Variants in SGCZ observed in about 807,000 individuals in gnomAD.
The protein encoded by SGCZ is sarcoglycan zeta.
A neutral mutation model predicts 41.3 loss-of-function variants in SGCZ; 40 were observed. That is an observed-to-expected ratio of 0.97 (90% CI 0.75 to 1.26). SGCZ has a LOEUF of 1.26. SGCZ is among the 50% of genes most tolerant of loss of function. The pLI is 0.00. For missense variants in SGCZ, 552 were observed against 369.8 expected (o/e 1.49, Z -4.04); for synonymous variants, 206 against 137.5 (o/e 1.50, Z -3.49).
intron 1 of SGCZ, among the ~76,000 whole-genome samples, chr8:14,690,862 C>A (rs1204648486): frequency 1.3e-5 from 2 of 152,080 alleles, no homozygotes; most frequent in Admixed American, 6.6e-5. Flanking sequence ...CAAATTTAGC[C>A]TTTCTTGATA....
chr8:15,002,342 G>C (rs921696644), intron 1 of SGCZ, among the ~76,000 whole-genome samples: 1 of 152,118 alleles, frequency 6.6e-6, no homozygotes, highest in Non-Finnish European at 1.5e-5. Context: ...ATAGAATACA[G>C]ATTGCACGGT....
chr8:14,697,129 A>C (rs1808990562), intron 1 of SGCZ, among the ~76,000 whole-genome samples: 1 of 152,050 alleles, frequency 6.6e-6, no homozygotes, highest in Non-Finnish European at 1.5e-5. Context: ...GGTATAACAA[A>C]ACATTATATT....
intron 4 of SGCZ, among the ~76,000 whole-genome samples, chr8:14,234,295 C>T (rs1806678951): frequency 6.6e-6 from 1 of 151,824 alleles, no homozygotes; most frequent in African/African-American, 2.4e-5. Flanking sequence ...ATAGGATGGC[C>T]TAATCACTGG....
At chr8:14,627,447 C>T (rs540751915) in intron 1 of SGCZ, among the ~76,000 whole-genome samples, 7 of 152,154 alleles carry the variant, frequency 4.6e-5, no homozygotes, top group South Asian at 2.1e-4. Flanking sequence ...CTTCTTCCAA[C>T]GTTTTTATTT....
intron 2 of SGCZ, among the ~76,000 whole-genome samples, chr8:14,382,146 G>T (rs978346541): frequency 7.4e-6 from 1 of 134,902 alleles, no homozygotes; most frequent in Non-Finnish European, 1.6e-5. Context: ...TACTGTTTGT[G>T]GAACAAATTT....
intron 1 of SGCZ, among the ~76,000 whole-genome samples, chr8:15,078,054 T>C (rs1279360463): frequency 1.3e-5 from 2 of 151,226 alleles, no homozygotes; most frequent in South Asian, 2.1e-4. Context: ...CAGGAATTCA[T>C]GCCTTACGTG....
At chr8:14,150,459 T>C (rs963554356) in intron 5 of SGCZ, among the ~76,000 whole-genome samples, 18 of 152,050 alleles carry the variant, frequency 1.2e-4, no homozygotes, top group Non-Finnish European at 2.4e-4. Context: ...GCAAATCAAA[T>C]CTACAAGGAG....
At chr8:14,700,963 T>G (rs985142053) in intron 1 of SGCZ, among the ~76,000 whole-genome samples, 1 of 151,770 alleles carries the variant, frequency 6.6e-6, no homozygotes, top group Non-Finnish European at 1.5e-5. Context: ...ATAAAGAGGC[T>G]CACATAATTA....
chr8:14,793,308 T>C (rs1002298351), intron 1 of SGCZ, among the ~76,000 whole-genome samples: 3 of 152,214 alleles, frequency 2.0e-5, no homozygotes, highest in Non-Finnish European at 4.4e-5. Flanking sequence ...CATTCCTGCC[T>C]TTTATAATCC....
chr8:15,138,360 A>T (rs1808193344), intron 1 of SGCZ, among the ~76,000 whole-genome samples: 1 of 152,044 alleles, frequency 6.6e-6, no homozygotes. Context: ...ATGAGTTGAG[A>T]CTTTAGGGGA....
chr8:15,188,735 A>T (rs1800430150), intron 1 of SGCZ, among the ~76,000 whole-genome samples: 2 of 152,138 alleles, frequency 1.3e-5, no homozygotes, highest in Non-Finnish European at 2.9e-5. Flanking sequence ...ATAAATACAC[A>T]TGCTGCAATT....
At chr8:15,233,067 C>G (rs1027474121) in intron 1 of SGCZ, among the ~76,000 whole-genome samples, 1 of 151,244 alleles carries the variant, frequency 6.6e-6, no homozygotes, top group Non-Finnish European at 1.5e-5. Flanking sequence ...GGAACTAGAC[C>G]TAGAGGGAAA....
intron 1 of SGCZ, among the ~76,000 whole-genome samples, chr8:15,070,836 GA>G (rs1805325399): frequency 1.3e-5 from 2 of 152,176 alleles, no homozygotes; most frequent in African/African-American, 4.8e-5. Flanking sequence ...TAGCATAGTA[GA>G]AAAAGCATAG....
At chr8:14,123,347 T>C (rs1802757717) in intron 5 of SGCZ, among the ~76,000 whole-genome samples, 1 of 152,198 alleles carries the variant, frequency 6.6e-6, no homozygotes, top group Non-Finnish European at 1.5e-5. Context: ...CAATGAAACA[T>C]AAATTATTTG....
At chr8:14,855,805 G>C (rs1012421425) in intron 1 of SGCZ, among the ~76,000 whole-genome samples, 1 of 152,118 alleles carries the variant, frequency 6.6e-6, no homozygotes, top group Non-Finnish European at 1.5e-5. Context: ...AGGCAGCCTA[G>C]TGATGGTTTT....
intron 1 of SGCZ, among the ~76,000 whole-genome samples, chr8:14,953,585 A>T (rs1031714060): frequency 1.3e-5 from 2 of 152,176 alleles, no homozygotes; most frequent in African/African-American, 4.8e-5. Context: ...GTGCAATAAC[A>T]GAGGTTAAGG....
chr8:14,544,781 G>C (rs541166010), intron 2 of SGCZ, among the ~76,000 whole-genome samples: 1 of 152,230 alleles, frequency 6.6e-6, no homozygotes, highest in East Asian at 1.9e-4. Context: ...ACTGAACATA[G>C]ACCCTTATCT....
chr8:14,211,884 A>G (rs184517622), intron 4 of SGCZ, among the ~76,000 whole-genome samples: 27 of 152,222 alleles, frequency 1.8e-4, no homozygotes, highest in Non-Finnish European at 3.7e-4. Flanking sequence ...TCCAGAAAGT[A>G]CCACAGAAGT....
chr8:15,028,431 G>A (rs536472660), intron 1 of SGCZ, among the ~76,000 whole-genome samples: 3 of 147,848 alleles, frequency 2.0e-5, no homozygotes, highest in East Asian at 2.0e-4. Context: ...GAACACTATC[G>A]TCTTTCTAAG....
Sources: gnomAD v4.1 joint callset for allele counts (sites outside exome capture counted in the v4.1 genomes callset) on GRCh38, gnomAD v4.1.1 for gene constraint, MANE v1.5 for transcripts, NCBI Gene and HGNC (gene_info 2026-07-23, HGNC 2026-07-21) for gene names.